The following NEDD4L variants were observed in gnomAD, a reference collection of about 807,000 sequenced individuals.
NEDD4L encodes E3 ubiquitin-protein ligase NEDD4-like.
Under a neutral mutation model 148.9 loss-of-function variants are expected in NEDD4L, and 54 were observed. The ratio of observed to expected loss-of-function variants is 0.36; its 90% CI spans 0.29 to 0.45. The LOEUF is 0.45. Among genes scored for constraint, NEDD4L ranks in the 20% least tolerant of loss-of-function variants. NEDD4L has a pLI of 1.00. For missense variants in NEDD4L, 856 were observed against 1,233.8 expected (o/e 0.69, Z 4.59); for synonymous variants, 433 against 440.7 (o/e 0.98, Z 0.22).
At chr18:58,314,963 A>C (rs1355224827) in intron 5 of NEDD4L, among the ~76,000 whole-genome samples, 1 of 152,248 alleles carries the variant, frequency 6.6e-6, no homozygotes, top group Non-Finnish European at 1.5e-5. Context: ...TATGTGAATT[A>C]GAAACTTCCT....
chr18:58,103,277 TA>T (rs1335746879), intron 1 of NEDD4L, among the ~76,000 whole-genome samples: 8 of 143,724 alleles, frequency 5.6e-5, no homozygotes, highest in African/African-American at 1.8e-4. Context: ...ATTATAATTA[TA>T]TATAATATAT....
chr18:58,336,005 T>C (rs190886892), intron 13 of NEDD4L: 216 of 157,096 alleles, frequency 1.4e-3, no homozygotes, highest in Non-Finnish European at 2.5e-3. Flanking sequence ...TAGACTTTTC[T>C]TGTCCCCAGA....
At chr18:58,303,109 G>A (rs779545909) in intron 5 of NEDD4L, among the ~76,000 whole-genome samples, 2 of 152,170 alleles carry the variant, frequency 1.3e-5, no homozygotes, top group African/African-American at 2.4e-5. Flanking sequence ...TTTTCCAAAT[G>A]GCAGAGGTGC....
intron 6 of NEDD4L, among the ~76,000 whole-genome samples, chr18:58,322,198 C>A (rs1283789909): frequency 6.6e-6 from 1 of 152,120 alleles, no homozygotes; most frequent in Non-Finnish European, 1.5e-5. Flanking sequence ...GTAATTTTGT[C>A]ATTTGTCTGT....
chr18:58,061,476 GGTT>G lies in NEDD4L; in HGVS notation c.48+16772_48+16774del, dbSNP rs1206387454. 2.2e-4 allele frequency among the ~76,000 whole-genome samples: 6 copies of G among 27,266 alleles called. 1 individual carries two copies. The highest frequency in any genetic ancestry group is 9.1e-4 in the African/African-American group (4 of 4,382). 17.9% of individuals were successfully genotyped at this position (27,266 alleles called of 152,430 possible). Reference sequence around the variant, plus strand: ...CAAGGAAGATGCACATTGGACTGTGGGTTGTTTTTTTTTTTTTTCTTTCTGTCA... The same window carrying G: ...CAAGGAAGATGCACATTGGACTGTGGGTTTTTTTTTTTTTTCTTTCTGTCA... On this transcript the variant is annotated intron_variant, in intron 1 of 30. Transcript: ENST00000400345.
intron 2 of NEDD4L, among the ~76,000 whole-genome samples, chr18:58,225,007 G>A (rs1176700683): frequency 1.3e-5 from 2 of 152,022 alleles, no homozygotes; most frequent in East Asian, 1.9e-4. Flanking sequence ...TATTGATAGG[G>A]GCCACCCACT....
chr18:58,113,999 C>G (rs1259401276), intron 1 of NEDD4L, among the ~76,000 whole-genome samples: 1 of 152,182 alleles, frequency 6.6e-6, no homozygotes, highest in Non-Finnish European at 1.5e-5. Flanking sequence ...TATGTGCGCT[C>G]TCATACCAGC....
At chr18:58,190,257 A>G (rs1193743197) in intron 2 of NEDD4L, among the ~76,000 whole-genome samples, 1 of 152,224 alleles carries the variant, frequency 6.6e-6, no homozygotes, top group Non-Finnish European at 1.5e-5. Context: ...ATCCTTATCT[A>G]TCCAAAGAGA....
chr18:58,228,789 G>A (rs772094175), intron 2 of NEDD4L, among the ~76,000 whole-genome samples: 7 of 152,194 alleles, frequency 4.6e-5, no homozygotes, highest in Non-Finnish European at 5.9e-5. Context: ...CAGGATGAGC[G>A]TTGGGGAGTA....
rs554396914 is a variant in NEDD4L at position 58,258,877 on chromosome 18, G to A, written c.297+6823G>A. On this transcript the variant is annotated intron_variant, in intron 5 of 30. Coordinates refer to ENST00000400345, the MANE Select transcript of NEDD4L (RefSeq NM_001144967.3). ...TTAAGTTTAGGCAGCAGCTGCCACC[G>A]CCTTACTTATCTTGAAGGAAAACAT... Among the ~76,000 whole-genome samples, 3 of 152,184 alleles carry A rather than the reference G, an allele frequency of 2.0e-5. No homozygotes were observed. The South Asian group carries it at 6.2e-4, about 32-fold the overall frequency.
intron 5 of NEDD4L, among the ~76,000 whole-genome samples, chr18:58,312,281 C>T (rs2057786124): frequency 6.6e-6 from 1 of 152,180 alleles, no homozygotes; most frequent in South Asian, 2.1e-4. Flanking sequence ...AAATTGACAG[C>T]ATTTTACCAC....
At chr18:58,068,363 C>T (rs943765101) in intron 1 of NEDD4L, among the ~76,000 whole-genome samples, 1 of 152,046 alleles carries the variant, frequency 6.6e-6, no homozygotes, top group Non-Finnish European at 1.5e-5. Context: ...CCACGCCTGA[C>T]TAATTTTTTG....
intron 5 of NEDD4L, among the ~76,000 whole-genome samples, chr18:58,294,769 C>T (rs1390211946): frequency 6.6e-6 from 1 of 152,040 alleles, no homozygotes; most frequent in Non-Finnish European, 1.5e-5. Flanking sequence ...AATCCTCCTG[C>T]CTCAGCCTCC....
At chr18:58,049,394 T>C (rs772347579) in intron 1 of NEDD4L, among the ~76,000 whole-genome samples, 10 of 152,226 alleles carry the variant, frequency 6.6e-5, no homozygotes, top group Non-Finnish European at 1.3e-4. Context: ...CTATGTGCCA[T>C]CTTTGCAGCT....
At chr18:58,391,397 G>T (rs1374040112) in intron 29 of NEDD4L, 90 bp from the exon 30 acceptor site, 7 of 1,041,574 alleles carry the variant, frequency 6.7e-6, no homozygotes, top group African/African-American at 3.2e-5. Context: ...GGCAAACCCT[G>T]CCCTGACAGT....
At chr18:58,071,434 C>A (rs953656697) in intron 1 of NEDD4L, among the ~76,000 whole-genome samples, 2 of 152,102 alleles carry the variant, frequency 1.3e-5, no homozygotes, top group Non-Finnish European at 2.9e-5. Flanking sequence ...GAAGAATTCA[C>A]TGGAGGGGCT....
chr18:58,264,537 A>G (rs1382091536), intron 5 of NEDD4L, among the ~76,000 whole-genome samples: 1 of 152,040 alleles, frequency 6.6e-6, no homozygotes, highest in Non-Finnish European at 1.5e-5. Context: ...GGTACATGTG[A>G]TATCTTGTAC....
At chr18:58,176,420 C>G (rs1002172304) in intron 2 of NEDD4L, among the ~76,000 whole-genome samples, 6 of 152,194 alleles carry the variant, frequency 3.9e-5, no homozygotes, top group Non-Finnish European at 8.8e-5. Flanking sequence ...ACTGTAACCT[C>G]AAACTCCTGA....
At chr18:58,133,159 G>A (rs998454207) in intron 1 of NEDD4L, among the ~76,000 whole-genome samples, 2 of 152,222 alleles carry the variant, frequency 1.3e-5, no homozygotes, top group African/African-American at 4.8e-5. Context: ...TGTCTTTTCA[G>A]ATTTGGGAGA....
Sources: gnomAD v4.1 joint callset for allele counts (sites outside exome capture counted in the v4.1 genomes callset) on GRCh38, gnomAD v4.1.1 for gene constraint, MANE v1.5 for transcripts, NCBI Gene and HGNC (gene_info 2026-07-23, HGNC 2026-07-21) for gene names.